PLXNA1: variants seen among roughly 807,000 people sequenced by gnomAD.
PLXNA1 encodes plexin-A1.
PLXNA1 carries 77 observed loss-of-function variants against 191.7 expected under a neutral mutation model. The observed-to-expected ratio is 0.40, with a 90% CI of 0.33 to 0.49. PLXNA1 has a LOEUF of 0.49. Among genes scored for constraint, PLXNA1 ranks in the 20% least tolerant of loss-of-function variants. The pLI is 0.63. For synonymous variants in PLXNA1, 1,137 were observed against 1,156.4 expected (o/e 0.98, Z 0.34); for missense variants, 2,110 against 2,660.2 (o/e 0.79, Z 4.55).
chr3:127,032,321 C>T, intron 29 of PLXNA1, 66 bp from the exon 30 acceptor site: 1 of 1,511,540 alleles, frequency 6.6e-7, no homozygotes, highest in Non-Finnish European at 9.0e-7. Flanking sequence ...GCTGGGAGGG[C>T]CACAAGGTCA....
In PLXNA1 at chr3:127,034,216, ACAGCTGCGCAC is replaced by A; in HGVS notation, c.*200_*210del. 1 of 542,638 alleles carries A rather than the reference ACAGCTGCGCAC, an allele frequency of 1.8e-6. No homozygotes were observed. Among genetic ancestry groups the A allele is most frequent in the South Asian group, 2.7e-5 (1 of 37,260 alleles). The allele number at this position is 542,638 out of a possible 1,614,324, so 33.6% of individuals were successfully genotyped here. ...TGGAGGTGATGGTACCTGCCACACC[ACAGCTGCGCAC>A]ACAGCTGCTTGCTCAGGGGCCGGGA... is the stretch of plus-strand genomic sequence containing the variant. On this transcript the variant is annotated 3_prime_UTR_variant, in exon 32 of 32. Transcript: ENST00000393409.
chr3:127,029,628 G>A (rs2079196420), intron 27 of PLXNA1, 92 bp downstream of exon 27: 11 of 1,378,896 alleles, frequency 8.0e-6, no homozygotes, highest in Admixed American at 1.7e-5. Flanking sequence ...GCAGCCGGAC[G>A]GGAGGACCCA....
intron 8 of PLXNA1, among the ~76,000 whole-genome samples, chr3:127,006,807 C>A (rs563159451): frequency 1.2e-4 from 18 of 152,218 alleles, no homozygotes; most frequent in African/African-American, 4.3e-4. Context: ...GCTGTGAGCA[C>A]CCCCAGCCTC....
At chr3:126,999,654 C>T (rs902049726) in intron 3 of PLXNA1, among the ~76,000 whole-genome samples, 4 of 152,234 alleles carry the variant, frequency 2.6e-5, no homozygotes, top group Non-Finnish European at 5.9e-5. Context: ...GGGCCCTCAG[C>T]TGCCCGCCGG....
In PLXNA1 at chr3:127,005,258, C is replaced by G; in HGVS notation, c.1897+15C>G. 3 of 1,595,688 alleles carry G rather than the reference C, an allele frequency of 1.9e-6. No individual in the cohort carries two copies. Among genetic ancestry groups the G allele is most frequent in the Non-Finnish European group, 2.6e-6 (3 of 1,171,652 alleles). On this transcript the variant is annotated intron_variant, in intron 7 of 31. Transcript: ENST00000393409. ...GCGGGGCCAGGGTGAGTGGCCCCAA[C>G]ACAATGGTGCCCGCTGCCTGGCCAG...
At chr3:127,032,328 G>A in intron 29 of PLXNA1, 59 bp from the exon 30 acceptor site, 1 of 1,541,150 alleles carries the variant, frequency 6.5e-7, no homozygotes, top group Admixed American at 1.9e-5. Flanking sequence ...GGGCCACAAG[G>A]TCACTGCTCA....
At chr3:127,027,149 G>T in intron 23 of PLXNA1, 1 of 178,670 alleles carries the variant, frequency 5.6e-6, no homozygotes, top group Non-Finnish European at 1.2e-5. Context: ...GGGCACATTG[G>T]GTTGGGTCCA....
At chr3:127,008,466 A>G (rs761928113) in intron 9 of PLXNA1, among the ~76,000 whole-genome samples, 8 of 152,160 alleles carry the variant, frequency 5.3e-5, no homozygotes, top group Non-Finnish European at 1.0e-4. Flanking sequence ...CACTAGCTTT[A>G]TGAACAGCAG....
Position 126,989,529 on chromosome 3 carries a change from G to A in PLXNA1, c.936G>A (p.Val312=), listed in dbSNP as rs754373184. The change falls in exon 2 of 32, where the codon GTG becomes GTA. Residue 312 remains valine (V), a synonymous_variant. Transcript: ENST00000393409. ...CEQAGVEYRL[V]QDAYLSRPGR... ...AGGCGGGTGTGGAGTACCGCCTGGT[G>A]CAGGATGCCTACCTGAGCCGGCCCG... The A allele has an allele frequency of 6.2e-7, 1 of 1,613,364 alleles. No homozygotes were observed. The highest frequency in any genetic ancestry group is 8.5e-7 in the Non-Finnish European group (1 of 1,180,038).
chr3:126,984,824 CAGAGCAGCTT>C (rs958734852), intron 1 of PLXNA1, among the ~76,000 whole-genome samples: 1 of 152,218 alleles, frequency 6.6e-6, no homozygotes, highest in African/African-American at 2.4e-5. Context: ...CCCCCGTGCA[CAGAGCAGCTT>C]AGAGCAGCTG....
chr3:126,990,934 C>G (rs1221923734), intron 2 of PLXNA1, among the ~76,000 whole-genome samples: 1 of 152,160 alleles, frequency 6.6e-6, no homozygotes. Flanking sequence ...GGGACAGTCC[C>G]CACTGCCCCC....
intron 23 of PLXNA1, 71 bp from the exon 24 acceptor site, chr3:127,027,869 G>A (rs777738871): frequency 2.5e-6 from 4 of 1,597,716 alleles, no homozygotes; most frequent in Admixed American, 1.7e-5. Flanking sequence ...GCTGGCACTC[G>A]ACGGGTGGAG....
intron 12 of PLXNA1, 46 bp downstream of exon 12, chr3:127,014,421 C>G: frequency 6.4e-7 from 1 of 1,573,524 alleles, no homozygotes; most frequent in Non-Finnish European, 8.6e-7. Flanking sequence ...CCGCCCTGCA[C>G]CACCGCACAC....
intron 23 of PLXNA1, 167 bp from the exon 24 acceptor site, chr3:127,027,773 C>A: frequency 1.2e-6 from 1 of 866,622 alleles, no homozygotes; most frequent in Non-Finnish European, 1.9e-6. Flanking sequence ...TTCTTGCAGT[C>A]TCTGCTGGGC....
In PLXNA1 at chr3:127,018,320, G is replaced by T. The variant is rs556545622; in HGVS notation, c.3687G>T (p.Ser1229=). 36 of 1,610,146 alleles carry T rather than the reference G, an allele frequency of 2.2e-5. No individual in the cohort carries two copies. Among genetic ancestry groups the T allele is most frequent in the Non-Finnish European group, 2.9e-5 (34 of 1,178,666 alleles). The part of the protein sequence containing the change: ...VTVRAGGFEF[S]PGTLQVYSDS... ...TGCGGGCAGGTGGCTTCGAGTTCTC[G>T]CCAGGGACACTGCAGGTGTACTCGG... is the stretch of plus-strand genomic sequence containing the variant. The change falls in exon 20 of 32, where the codon TCG becomes TCT. Residue 1229 remains serine (S), a synonymous_variant. Coordinates refer to ENST00000393409, the MANE Select transcript of PLXNA1 (RefSeq NM_032242.4).
chr3:127,029,681 C>T (rs2079196669), intron 27 of PLXNA1, 145 bp downstream of exon 27: 1 of 1,095,162 alleles, frequency 9.1e-7, no homozygotes, highest in East Asian at 2.6e-5. Context: ...TGGCCTTACC[C>T]TCCAGCTCTG....
chr3:126,993,005 C>T (rs1305262109), intron 3 of PLXNA1, among the ~76,000 whole-genome samples: 4 of 152,094 alleles, frequency 2.6e-5, no homozygotes, highest in Non-Finnish European at 5.9e-5. Flanking sequence ...TTTTGTGGGG[C>T]GCCCCAGAGC....
At chr3:126,985,073 C>A (rs2078951704) in intron 1 of PLXNA1, among the ~76,000 whole-genome samples, 1 of 152,194 alleles carries the variant, frequency 6.6e-6, no homozygotes, top group Non-Finnish European at 1.5e-5. Flanking sequence ...CCCCACACCC[C>A]AACCTGCCTG....
intron 3 of PLXNA1, among the ~76,000 whole-genome samples, chr3:127,001,667 C>A (rs756308565): frequency 1.8e-4 from 28 of 152,258 alleles, no homozygotes; most frequent in Non-Finnish European, 3.8e-4. Flanking sequence ...GCCTTCCTTC[C>A]CCCACTCCCT....
Sources: gnomAD v4.1 joint callset for allele counts (sites outside exome capture counted in the v4.1 genomes callset) on GRCh38, gnomAD v4.1.1 for gene constraint, MANE v1.5 for transcripts, NCBI Gene and HGNC (gene_info 2026-07-23, HGNC 2026-07-21) for gene names.